Variants in TCP11L1 observed in about 807,000 individuals in gnomAD.
The protein encoded by TCP11L1 is t-complex 11 like 1.
TCP11L1 carries 28 observed loss-of-function variants against 48.9 expected under a neutral mutation model. That is an observed-to-expected ratio of 0.57 (90% CI 0.42 to 0.78). The LOEUF (loss-of-function observed/expected upper bound fraction) is 0.78, where lower values mean the gene tolerates loss of function less well. Among genes scored for constraint, TCP11L1 ranks in the 30% least tolerant of loss-of-function variants. The probability of loss-of-function intolerance (pLI) is 0.00; values close to 1 mark genes in which losing one functional copy is unlikely to be tolerated. For synonymous variants in TCP11L1, 204 were observed against 231.9 expected (o/e 0.88, Z 1.09); for missense variants, 505 against 613.4 (o/e 0.82, Z 1.87).
chr11:33,066,631 C>T (rs762357931), intron 8 of TCP11L1, among the ~76,000 whole-genome samples: 2 of 152,082 alleles, frequency 1.3e-5, no homozygotes, highest in Non-Finnish European at 2.9e-5. Context: ...GTTCTCCCTA[C>T]GCAGGGAGCA....
Position 33,072,828 on chromosome 11 carries a change from G to T in TCP11L1, c.*152G>T. ...GAATATTGTGTATCACTGTTGAAAA[G>T]ACTTGTTGAGAAATCCACTGAATTC... On this transcript the variant is annotated 3_prime_UTR_variant, in exon 10 of 10. Coordinates refer to ENST00000334274, the MANE Select transcript of TCP11L1 (RefSeq NM_018393.4). 5.0e-6 allele frequency: 4 copies of T among 793,084 alleles called. No homozygotes were observed. Among genetic ancestry groups the T allele is most frequent in the Non-Finnish European group, 8.0e-6 (4 of 501,762 alleles). 49.1% of individuals were successfully genotyped at this position (793,084 alleles called of 1,614,324 possible).
At chr11:33,058,486 CTG>C (rs1259173940) in intron 5 of TCP11L1, among the ~76,000 whole-genome samples, 1 of 151,262 alleles carries the variant, frequency 6.6e-6, no homozygotes, top group Non-Finnish European at 1.5e-5. Flanking sequence ...GCGTGAGCCA[CTG>C]TGCCCAGACC....
intron 2 of TCP11L1, among the ~76,000 whole-genome samples, chr11:33,053,441 C>T (rs1015080856): frequency 6.7e-6 from 1 of 150,038 alleles, no homozygotes; most frequent in Admixed American, 6.7e-5. Flanking sequence ...CTTGCCTTAT[C>T]ATAGGCTTTT....
At chr11:33,050,986 T>A (rs1355411152) in intron 2 of TCP11L1, among the ~76,000 whole-genome samples, 1 of 152,104 alleles carries the variant, frequency 6.6e-6, no homozygotes, top group Non-Finnish European at 1.5e-5. Flanking sequence ...GCTAATTGTA[T>A]TTTTTGTAGA....
intron 3 of TCP11L1, 102 bp downstream of exon 3, chr11:33,054,827 C>T: frequency 7.6e-7 from 1 of 1,316,478 alleles, no homozygotes; most frequent in East Asian, 2.6e-5. Context: ...ACGTATTTTT[C>T]CTTTTGTACA....
At chr11:33,059,132 T>G in intron 6 of TCP11L1, 37 bp downstream of exon 6, 1 of 1,603,462 alleles carries the variant, frequency 6.2e-7, no homozygotes, top group East Asian at 2.2e-5. Context: ...TTTTGTTGTC[T>G]GTGGTTTTTC....
At chr11:33,061,844 G>T in intron 7 of TCP11L1, 118 bp downstream of exon 7, 1 of 992,858 alleles carries the variant, frequency 1.0e-6, no homozygotes, top group South Asian at 2.6e-5. Context: ...ACTTTGGGAG[G>T]CAGAGGCAGG....
intron 3 of TCP11L1, among the ~76,000 whole-genome samples, chr11:33,055,329 C>G (rs556315728): frequency 6.6e-6 from 1 of 152,278 alleles, no homozygotes; most frequent in South Asian, 2.1e-4. Flanking sequence ...AGTCTCTTAG[C>G]CTGTCCTCAT....
At chr11:33,041,642 T>A (rs1341026220) in intron 1 of TCP11L1, among the ~76,000 whole-genome samples, 2 of 151,684 alleles carry the variant, frequency 1.3e-5, no homozygotes, top group African/African-American at 4.8e-5. Context: ...TCCCAGCTAC[T>A]GGGGAGGCTG....
At chr11:33,072,194 G>C (rs565541716) in intron 9 of TCP11L1, among the ~76,000 whole-genome samples, 1 of 152,282 alleles carries the variant, frequency 6.6e-6, no homozygotes, top group East Asian at 1.9e-4. Flanking sequence ...TCTCCTGGGA[G>C]CTGGGTCTCA....
At chr11:33,051,232 A>G (rs942989407) in intron 2 of TCP11L1, among the ~76,000 whole-genome samples, 9 of 152,132 alleles carry the variant, frequency 5.9e-5, no homozygotes, top group Admixed American at 1.3e-4. Context: ...CAGTGGTGCA[A>G]TCTCAGCTCA....
rs574080209 is a variant in TCP11L1, at chr11:33,049,402, C to T, written c.164-5191C>T. ...GTTTCTCGTCATGTGGGACGAGAGA[C>T]TGAGAAAAGAAATAAGACACAGAGA... On this transcript the variant is annotated intron_variant, in intron 2 of 9. Coordinates refer to ENST00000334274, the MANE Select transcript of TCP11L1 (RefSeq NM_018393.4). Among the ~76,000 whole-genome samples, 3 of 152,190 alleles carry T rather than the reference C, an allele frequency of 2.0e-5. No homozygotes were observed. The South Asian group carries it at 6.2e-4, about 32-fold the overall frequency.
intron 5 of TCP11L1, among the ~76,000 whole-genome samples, chr11:33,058,586 A>T (rs1854383313): frequency 6.6e-6 from 1 of 152,160 alleles, no homozygotes; most frequent in South Asian, 2.1e-4. Context: ...AGAAAAGTAA[A>T]AAGAAGACAT....
At chr11:33,049,627 G>A (rs190092192) in intron 2 of TCP11L1, among the ~76,000 whole-genome samples, 2 of 152,296 alleles carry the variant, frequency 1.3e-5, no homozygotes, top group East Asian at 3.9e-4. Flanking sequence ...AAGGTACTGT[G>A]CCTTGATGTG....
At chr11:33,063,709 G>C (rs1189229081) in intron 7 of TCP11L1, among the ~76,000 whole-genome samples, 1 of 152,092 alleles carries the variant, frequency 6.6e-6, no homozygotes, top group Non-Finnish European at 1.5e-5. Context: ...CTCTTTTTGG[G>C]GGGTACGTGA....
chr11:33,040,034 A>G (rs919285740), intron 1 of TCP11L1: 2 of 152,248 alleles, frequency 1.3e-5, no homozygotes, highest in Non-Finnish European at 2.9e-5. Flanking sequence ...AGCTGTTTAC[A>G]ACGGAATCCG....
intron 4 of TCP11L1, 79 bp from the exon 5 acceptor site, chr11:33,057,840 T>C (rs754465545): frequency 1.0e-4 from 127 of 1,245,256 alleles, no homozygotes; most frequent in Non-Finnish European, 1.3e-4. Flanking sequence ...GAAGCCCTTA[T>C]TTGGATAGTT....
intron 3 of TCP11L1, among the ~76,000 whole-genome samples, chr11:33,055,167 A>G (rs1432242445): frequency 6.6e-6 from 1 of 152,274 alleles, no homozygotes; most frequent in East Asian, 1.9e-4. Context: ...CATTATAATT[A>G]TAAAAATGCC....
At chr11:33,046,874 A>G (rs1378978036) in intron 2 of TCP11L1, among the ~76,000 whole-genome samples, 1 of 152,252 alleles carries the variant, frequency 6.6e-6, no homozygotes, top group East Asian at 1.9e-4. Flanking sequence ...AAACGTAAGT[A>G]GCAAAAAGAG....
Sources: allele counts gnomAD v4.1 joint callset (sites outside exome capture counted in the v4.1 genomes callset), GRCh38; gene constraint gnomAD v4.1.1; transcripts MANE v1.5; gene names NCBI Gene and HGNC (gene_info 2026-07-23, HGNC 2026-07-21).